Variants in PADI2 observed in about 807,000 individuals in gnomAD.
PADI2 encodes the protein protein-arginine deiminase type-2.
A neutral mutation model predicts 81.1 loss-of-function variants in PADI2; 70 were observed. The ratio of observed to expected loss-of-function variants is 0.86; its 90% CI spans 0.71 to 1.05. The LOEUF is 1.05. Ranked by LOEUF, PADI2 falls within the 50% of genes least tolerant of loss-of-function variation. The probability of loss-of-function intolerance (pLI) is 0.00; values close to 1 mark genes in which losing one functional copy is unlikely to be tolerated. For synonymous variants in PADI2, 338 were observed against 358.0 expected (o/e 0.94, Z 0.63); for missense variants, 853 against 889.9 (o/e 0.96, Z 0.53).
chr1:17,082,876 T>C, intron 9 of PADI2: 1 of 189,422 alleles, frequency 5.3e-6, no homozygotes, highest in Non-Finnish European at 1.0e-5. Flanking sequence ...ATCAGCCCCA[T>C]TTTTTTTTTT....
chr1:17,096,205 G>A (rs1164001158), intron 3 of PADI2, among the ~76,000 whole-genome samples: 3 of 152,184 alleles, frequency 2.0e-5, no homozygotes, highest in Non-Finnish European at 2.9e-5. Context: ...AGCTGCCATC[G>A]GGGAGGTCTG....
At chr1:17,080,603 G>A (rs978307392) in intron 10 of PADI2, among the ~76,000 whole-genome samples, 1 of 152,192 alleles carries the variant, frequency 6.6e-6, no homozygotes, top group Non-Finnish European at 1.5e-5. Flanking sequence ...TGGCAGCTAT[G>A]AATATACATG....
intron 1 of PADI2, among the ~76,000 whole-genome samples, chr1:17,112,895 C>T (rs1245623374): frequency 6.6e-6 from 1 of 152,230 alleles, no homozygotes; most frequent in African/African-American, 2.4e-5. Flanking sequence ...CATTGACCCT[C>T]CAGCCTTATA....
intron 11 of PADI2, among the ~76,000 whole-genome samples, chr1:17,077,458 T>C (rs1338836339): frequency 6.6e-6 from 1 of 152,038 alleles, no homozygotes; most frequent in Non-Finnish European, 1.5e-5. Flanking sequence ...CTCGAGGGGG[T>C]TCAGGGCCAC....
chr1:17,093,280 G>C (rs1051201741), intron 5 of PADI2, among the ~76,000 whole-genome samples: 2 of 152,118 alleles, frequency 1.3e-5, no homozygotes, highest in African/African-American at 2.4e-5. Context: ...ATTTTTAGTA[G>C]AGATGGGGTT....
intron 3 of PADI2, among the ~76,000 whole-genome samples, chr1:17,102,221 A>G (rs1931167883): frequency 6.6e-6 from 1 of 152,238 alleles, no homozygotes; most frequent in Non-Finnish European, 1.5e-5. Flanking sequence ...TTAACATTCT[A>G]TGATTAAAAA....
intron 3 of PADI2, among the ~76,000 whole-genome samples, chr1:17,101,540 C>A (rs762341789): frequency 1.3e-5 from 2 of 152,268 alleles, no homozygotes; most frequent in Non-Finnish European, 2.9e-5. Context: ...GCCACCCTCA[C>A]CAAGGTCATC....
In PADI2 at chr1:17,117,907, G is replaced by A. The variant is rs931434070; in HGVS notation, c.92+1373C>T. ...ACCAGAGCCTGGACCACCCTCCACT[G>A]CTGTGTTCTTGTTCTCAGAGACCAC... On this transcript the variant is annotated intron_variant, in intron 1 of 15. Coordinates refer to ENST00000375486, the MANE Select transcript of PADI2 (RefSeq NM_007365.3). Among the ~76,000 whole-genome samples, 4 of 152,218 alleles carry A rather than the reference G, an allele frequency of 2.6e-5. No individual in the cohort carries two copies. In the South Asian group the frequency reaches 8.3e-4, roughly 31 times the overall value.
At chr1:17,110,009 C>T (rs1204151595) in intron 1 of PADI2, among the ~76,000 whole-genome samples, 3 of 152,142 alleles carry the variant, frequency 2.0e-5, no homozygotes, top group African/African-American at 4.8e-5. Context: ...GCTCCAGGGC[C>T]CCACACCCTC....
intron 1 of PADI2, among the ~76,000 whole-genome samples, chr1:17,117,648 C>A (rs893246603): frequency 2.0e-5 from 3 of 152,164 alleles, no homozygotes; most frequent in African/African-American, 7.2e-5. Context: ...CCTCTCTTTG[C>A]CAGGATAGAG....
chr1:17,113,359 C>T (rs144923800), intron 1 of PADI2, among the ~76,000 whole-genome samples: 1 of 152,184 alleles, frequency 6.6e-6, no homozygotes, highest in African/African-American at 2.4e-5. Flanking sequence ...GCCCATGGCC[C>T]ACATGACCTC....
chr1:17,092,268 A>G, intron 6 of PADI2, 140 bp downstream of exon 6: 1 of 598,804 alleles, frequency 1.7e-6, no homozygotes, highest in Non-Finnish European at 2.8e-6. Context: ...TCACGGGACA[A>G]CAGCATTGCC....
Position 17,084,590 on chromosome 1 carries a change from A to T in PADI2, c.938+9T>A, listed in dbSNP as rs2078371088. ...CACGCTGCCTCTCCAGGCTGGGGTC[A>T]CCCCTTACCAGCACACAAACACCGA... On this transcript the variant is annotated intron_variant, in intron 8 of 15. Coordinates refer to ENST00000375486, the MANE Select transcript of PADI2 (RefSeq NM_007365.3). 6.4e-7 allele frequency: 1 copy of T among 1,556,898 alleles called. No homozygotes were observed. Among genetic ancestry groups the T allele is most frequent in the Non-Finnish European group, 8.7e-7 (1 of 1,145,732 alleles).
chr1:17,106,830 G>A (rs1450758142), intron 1 of PADI2, among the ~76,000 whole-genome samples: 1 of 151,832 alleles, frequency 6.6e-6, no homozygotes, highest in Non-Finnish European at 1.5e-5. Flanking sequence ...GGTAGATAGA[G>A]ATCTCTCTCC....
chr1:17,094,940 T>G (rs778986798), intron 4 of PADI2, among the ~76,000 whole-genome samples: 90 of 152,200 alleles, frequency 5.9e-4, no homozygotes, highest in Non-Finnish European at 1.0e-3. Flanking sequence ...TTGCTCACGA[T>G]CCTAGAAGAA....
intron 2 of PADI2, among the ~76,000 whole-genome samples, chr1:17,104,251 C>T (rs1488589359): frequency 6.6e-6 from 1 of 151,282 alleles, no homozygotes; most frequent in Non-Finnish European, 1.5e-5. Context: ...GATCGCATCA[C>T]TGCACTCCAG....
At chr1:17,093,492 C>A (rs1158015797) in intron 5 of PADI2, 75 bp downstream of exon 5, 1 of 971,952 alleles carries the variant, frequency 1.0e-6, no homozygotes, top group African/African-American at 1.6e-5. Context: ...GCCTCACCCT[C>A]AGCCCAGCCC....
intron 11 of PADI2, 69 bp downstream of exon 11, chr1:17,079,195 G>C (rs996151780): frequency 6.9e-7 from 1 of 1,458,568 alleles, no homozygotes; most frequent in African/African-American, 1.4e-5. Flanking sequence ...AGCAACCCAG[G>C]CCACCCCAAA....
intron 4 of PADI2, among the ~76,000 whole-genome samples, chr1:17,094,405 C>T (rs1413879609): frequency 2.6e-5 from 4 of 152,204 alleles, no homozygotes; most frequent in African/African-American, 9.7e-5. Flanking sequence ...TGCCCCTTTC[C>T]ACCTGGCCCA....
Sources: gnomAD v4.1 joint callset for allele counts (sites outside exome capture counted in the v4.1 genomes callset) on GRCh38, gnomAD v4.1.1 for gene constraint, MANE v1.5 for transcripts, NCBI Gene and HGNC (gene_info 2026-07-23, HGNC 2026-07-21) for gene names.